Variants in DTHD1 observed in about 807,000 individuals in gnomAD.
DTHD1 encodes the protein death domain containing 1.
Under a neutral mutation model 74.8 loss-of-function variants are expected in DTHD1, and 59 were observed. The observed-to-expected ratio is 0.79, with a 90% CI of 0.64 to 0.98. The LOEUF (loss-of-function observed/expected upper bound fraction) is 0.98. DTHD1 is among the 50% of genes least tolerant of loss of function. The pLI is 0.00. For missense variants in DTHD1, 1,051 were observed against 1,065.4 expected (o/e 0.99, Z 0.19); for synonymous variants, 365 against 371.1 (o/e 0.98, Z 0.19).
intron 8 of DTHD1, among the ~76,000 whole-genome samples, chr4:36,317,016 G>A (rs1376050050): frequency 6.6e-6 from 1 of 152,116 alleles, no homozygotes; most frequent in African/African-American, 2.4e-5. Flanking sequence ...GTATATTACA[G>A]TTTATTTCAG....
At chr4:36,306,130 C>T (rs1757033918) in intron 5 of DTHD1, 61 bp from the exon 6 acceptor site, 12 of 1,375,550 alleles carry the variant, frequency 8.7e-6, no homozygotes, top group Non-Finnish European at 1.2e-5. Context: ...AGAATGAATG[C>T]ATTAAATAAG....
intron 4 of DTHD1, among the ~76,000 whole-genome samples, 153 bp from the exon 5 acceptor site, chr4:36,294,642 T>C (rs185536233): frequency 1.6e-4 from 25 of 152,162 alleles, no homozygotes; most frequent in Admixed American, 3.9e-4. Flanking sequence ...ATTATAAATA[T>C]TTTATAAAAT....
Position 36,346,387 on chromosome 4 carries a change from T to TA in DTHD1, c.*2564dup, listed in dbSNP as rs1759586618. 6.6e-6 allele frequency among the ~76,000 whole-genome samples: 1 copy of TA among 152,054 alleles called. No homozygotes were observed. Among genetic ancestry groups the TA allele is most frequent in the Non-Finnish European group, 1.5e-5 (1 of 67,992 alleles). The stretch of plus-strand genomic sequence containing the variant: ...TCACATACATTCACTCACAGCCACA[T>TA]ATACACACCTCTTCACAACACAGAT... On this transcript the variant is annotated 3_prime_UTR_variant, in exon 10 of 10. Transcript: ENST00000639862.
In DTHD1 at chr4:36,294,956, T is replaced by C; in HGVS notation, c.1560T>C (p.Asp520=). The change falls in exon 5 of 10, where the codon GAT becomes GAC. Residue 520 remains aspartate (D), a synonymous_variant. Transcript: ENST00000639862. ...TTTTACCTTGTTCTCCATACCTTGA[T>C]AAAAACAACCTTGGTTCTGAGATAG... ...TLFLPCSPYL[D]KNNLGSEIDH... is the part of the protein sequence containing the mutation. The C allele has an allele frequency of 6.4e-7, 1 of 1,551,608 alleles. No homozygotes were observed. The highest frequency in any genetic ancestry group is 8.7e-7 in the Non-Finnish European group (1 of 1,146,646).
intron 8 of DTHD1, among the ~76,000 whole-genome samples, chr4:36,329,715 C>T (rs928452335): frequency 2.0e-5 from 3 of 152,084 alleles, no homozygotes; most frequent in South Asian, 4.1e-4. Context: ...AAAAAGGAAT[C>T]GAAACAGTGA....
chr4:36,295,188 A>G, intron 5 of DTHD1, 149 bp downstream of exon 5: 1 of 1,099,012 alleles, frequency 9.1e-7, no homozygotes, highest in Non-Finnish European at 1.2e-6. Flanking sequence ...TTGTGGATCC[A>G]CAAAAGGTAA....
intron 5 of DTHD1, among the ~76,000 whole-genome samples, chr4:36,302,046 G>A (rs1756804927): frequency 6.6e-6 from 1 of 152,184 alleles, no homozygotes; most frequent in Non-Finnish European, 1.5e-5. Flanking sequence ...CCAGGGTGCG[G>A]GGGCCCACTA....
chr4:36,320,640 A>C (rs1757988870), intron 8 of DTHD1, among the ~76,000 whole-genome samples: 1 of 152,236 alleles, frequency 6.6e-6, no homozygotes, highest in East Asian at 1.9e-4. Flanking sequence ...AGGTTGAAAA[A>C]GAATCTGTGG....
At chr4:36,328,240 T>C (rs1178404484) in intron 8 of DTHD1, among the ~76,000 whole-genome samples, 1 of 152,230 alleles carries the variant, frequency 6.6e-6, no homozygotes, top group African/African-American at 2.4e-5. Context: ...TGCTCTAAAC[T>C]CTGTTCTTAT....
chr4:36,317,014 C>T (rs1757777655), intron 8 of DTHD1, among the ~76,000 whole-genome samples: 1 of 152,182 alleles, frequency 6.6e-6, no homozygotes, highest in East Asian at 1.9e-4. Context: ...CTGTATATTA[C>T]AGTTTATTTC....
rs1349892591 is a variant in DTHD1, at chr4:36,306,216, C to A, written c.1669C>A (p.Pro557Thr). ...NRTKIASIRK[P>T]RKNASECLKL... Reference sequence around the variant, plus strand: ...GACAAAAATTGCCTCCATAAGAAAACCTAGGAAAAATGCCAGTGAATGTTT... The same window carrying A: ...GACAAAAATTGCCTCCATAAGAAAAACTAGGAAAAATGCCAGTGAATGTTT... Residue 557 changes from proline (P) to threonine (T), a missense_variant, in exon 6 of 10, where the codon CCT (proline) becomes ACT (threonine). Physicochemically the swap from Pro to Thr is conservative, Grantham distance 38. Transcript: ENST00000639862. The A allele has an allele frequency of 6.4e-7, 1 of 1,551,708 alleles. No individual in the cohort carries two copies.
At chr4:36,303,641 G>T (rs1448733278) in intron 5 of DTHD1, among the ~76,000 whole-genome samples, 2 of 152,136 alleles carry the variant, frequency 1.3e-5, no homozygotes, top group East Asian at 3.9e-4. Context: ...ATGCATAAAA[G>T]TGCAGGGCCT....
At chr4:36,311,199 G>A (rs1484851536) in intron 7 of DTHD1, 1 of 152,112 alleles carries the variant, frequency 6.6e-6, no homozygotes, top group African/African-American at 2.4e-5. Flanking sequence ...TATAAGGGTT[G>A]GGGAAGAGTT....
chr4:36,318,334 C>T (rs1757848811), intron 8 of DTHD1, among the ~76,000 whole-genome samples: 1 of 152,190 alleles, frequency 6.6e-6, no homozygotes, highest in South Asian at 2.1e-4. Flanking sequence ...CTGTACTATG[C>T]TTTAGTACAG....
intron 5 of DTHD1, among the ~76,000 whole-genome samples, chr4:36,297,960 G>A (rs1007095428): frequency 1.3e-5 from 2 of 151,512 alleles, no homozygotes; most frequent in Admixed American, 6.6e-5. Flanking sequence ...GTGTGTTTAT[G>A]TGACATTTTG....
At chr4:36,316,526 T>C in intron 8 of DTHD1, 40 bp downstream of exon 8, 2 of 1,504,934 alleles carry the variant, frequency 1.3e-6, no homozygotes, top group Non-Finnish European at 1.8e-6. Context: ...ATTTTGTTAA[T>C]TATTTATAAT....
At chr4:36,295,168 A>ATT in intron 5 of DTHD1, 129 bp downstream of exon 5, 1 of 1,176,142 alleles carries the variant, frequency 8.5e-7, no homozygotes, top group Non-Finnish European at 1.1e-6. Context: ...TTTAATCTAG[A>ATT]AAGAAGATAT....
intron 5 of DTHD1, among the ~76,000 whole-genome samples, chr4:36,300,658 T>C (rs1368236579): frequency 1.5e-5 from 1 of 67,894 alleles, no homozygotes; most frequent in East Asian, 6.6e-4. Flanking sequence ...TTGTTATTTA[T>C]AATTCTGGAA....
chr4:36,322,562 C>T (rs952579423), intron 8 of DTHD1, among the ~76,000 whole-genome samples: 1 of 151,802 alleles, frequency 6.6e-6, no homozygotes, highest in Admixed American at 6.6e-5. Flanking sequence ...TCCAAGACTC[C>T]GAGACGGGCA....
Sources: allele counts gnomAD v4.1 joint callset (sites outside exome capture counted in the v4.1 genomes callset), GRCh38; gene constraint gnomAD v4.1.1; transcripts MANE v1.5; gene names NCBI Gene and HGNC (gene_info 2026-07-23, HGNC 2026-07-21).